The following ITGA4 variants were observed in gnomAD, a reference collection of about 807,000 sequenced individuals.
ITGA4 encodes the protein integrin subunit alpha 4.
Under a neutral mutation model 133.6 loss-of-function variants are expected in ITGA4, and 63 were observed. That is an observed-to-expected ratio of 0.47 (90% CI 0.38 to 0.58). The LOEUF (loss-of-function observed/expected upper bound fraction) is 0.58. Ranked by LOEUF, ITGA4 falls within the 20% of genes least tolerant of loss-of-function variation. The pLI, the probability that ITGA4 is intolerant of heterozygous loss-of-function variation, is 0.00. For synonymous variants in ITGA4, 483 were observed against 438.0 expected, an observed-to-expected ratio of 1.10 and a Z score of -1.28; for missense variants, 1,076 against 1,252.7, an observed-to-expected ratio of 0.86 and a Z score of 2.13.
rs199874319 is a variant in ITGA4, at chr2:181,524,290, C to T, written c.2249+40C>T. 27 of 1,154,174 alleles carry T rather than the reference C, an allele frequency of 2.3e-5. No individual in the cohort carries two copies. In the South Asian group the frequency reaches 2.3e-4, roughly 10 times the overall value. 71.5% of individuals were successfully genotyped at this position (1,154,174 alleles called of 1,614,324 possible). A position where few individuals can be genotyped will look rare whatever the true frequency, so the allele number is the denominator to read the frequency against. ...TAATAAAATGAACTAGAAATATACCCCCATATTCTGAGGGGGGGGAATTAG... is the reference window on the plus strand; with the variant it reads ...TAATAAAATGAACTAGAAATATACCTCCATATTCTGAGGGGGGGGAATTAG... On this transcript the variant is annotated intron_variant, in intron 20 of 27. Transcript: ENST00000397033.
At chr2:181,491,625 T>C (rs1394102716) in intron 10 of ITGA4, among the ~76,000 whole-genome samples, 2 of 152,154 alleles carry the variant, frequency 1.3e-5, no homozygotes, top group South Asian at 2.1e-4. Context: ...GAAGAATCAA[T>C]ATATAGGAAA....
intron 17 of ITGA4, among the ~76,000 whole-genome samples, chr2:181,515,303 C>T (rs1417127623): frequency 1.3e-5 from 2 of 151,942 alleles, no homozygotes; most frequent in Non-Finnish European, 2.9e-5. Context: ...AAAATAGTAC[C>T]GACTCATTAA....
At chr2:181,473,042 G>C (rs1685592692) in intron 2 of ITGA4, among the ~76,000 whole-genome samples, 1 of 152,178 alleles carries the variant, frequency 6.6e-6, no homozygotes, top group Admixed American at 6.5e-5. Context: ...CCAGTTAGTG[G>C]GGGTTGCCAT....
At chr2:181,532,180 G>A (rs1333267111) in intron 25 of ITGA4, among the ~76,000 whole-genome samples, 1 of 152,204 alleles carries the variant, frequency 6.6e-6, no homozygotes, top group African/African-American at 2.4e-5. Flanking sequence ...ACAGTTTGAA[G>A]TCGGGTAGCC....
intron 25 of ITGA4, among the ~76,000 whole-genome samples, chr2:181,533,433 G>C (rs79248375): frequency 2.0e-5 from 3 of 152,142 alleles, no homozygotes; most frequent in Non-Finnish European, 4.4e-5. Context: ...TCTAGGTCTA[G>C]GTTTTCCATC....
intron 25 of ITGA4, among the ~76,000 whole-genome samples, chr2:181,533,938 G>A (rs1320801317): frequency 6.6e-6 from 1 of 152,118 alleles, no homozygotes; most frequent in Non-Finnish European, 1.5e-5. Flanking sequence ...AATTTAGAAA[G>A]AAATAAAAAG....
At chr2:181,502,724 A>G (rs1686302146) in intron 15 of ITGA4, among the ~76,000 whole-genome samples, 1 of 152,064 alleles carries the variant, frequency 6.6e-6, no homozygotes, top group Admixed American at 6.6e-5. Context: ...GGAGAATGGG[A>G]GAGTAACAAA....
chr2:181,482,936 T>C (rs1451562862), intron 9 of ITGA4, among the ~76,000 whole-genome samples: 1 of 152,180 alleles, frequency 6.6e-6, no homozygotes, highest in Non-Finnish European at 1.5e-5. Context: ...TTCAGTTTTA[T>C]GTTGATACTA....
At position 181,498,613 on chromosome 2, in the gene ITGA4, A is replaced by AT; in HGVS notation, c.1541-5dup. On this transcript the variant is annotated splice_polypyrimidine_tract_variant and intron_variant, in intron 14 of 27. Transcript: ENST00000397033. ...AATTAGATTAATTGCAATTCTCTAT[A>AT]TTTTTGCAGTTTTGTTTTATAACAT... 1 of 1,569,628 alleles carries AT rather than the reference A, an allele frequency of 6.4e-7. No homozygotes were observed. Among genetic ancestry groups the AT allele is most frequent in the Non-Finnish European group, 8.7e-7 (1 of 1,146,038 alleles).
At position 181,485,332 on chromosome 2, in the gene ITGA4, A is replaced by G. The variant is rs1296991574; in HGVS notation, c.1042-549A>G. ...TGCTGCTAGTTTTCTCTGTATATCAAAATTATGCTTATCCTTCAATAGCCT... is the reference window on the plus strand; with the variant it reads ...TGCTGCTAGTTTTCTCTGTATATCAGAATTATGCTTATCCTTCAATAGCCT... On this transcript the variant is annotated intron_variant, in intron 9 of 27. Transcript: ENST00000397033. Among the ~76,000 whole-genome samples the G allele has an allele frequency of 2.3e-4, 35 of 152,146 alleles. 1 individual carries two copies. Among genetic ancestry groups the G allele is most frequent in the Admixed American group, 2.3e-3 (35 of 15,274 alleles).
intron 15 of ITGA4, 89 bp from the exon 16 acceptor site, chr2:181,509,569 G>C (rs1487526987): frequency 4.4e-6 from 4 of 916,686 alleles, no homozygotes; most frequent in Non-Finnish European, 6.4e-6. Flanking sequence ...TCCATGTATA[G>C]TGTTTGGCCC....
chr2:181,461,506 C>T (rs933805199), intron 2 of ITGA4, among the ~76,000 whole-genome samples: 1 of 151,918 alleles, frequency 6.6e-6, no homozygotes, highest in African/African-American at 2.4e-5. Context: ...CCCGGGCACT[C>T]TGCATCATCA....
chr2:181,462,879 C>A (rs1485555159), intron 2 of ITGA4, among the ~76,000 whole-genome samples: 1 of 152,162 alleles, frequency 6.6e-6, no homozygotes, highest in Non-Finnish European at 1.5e-5. Context: ...ATCCGTTGCA[C>A]ATGTGGGTAA....
At chr2:181,463,468 G>A (rs567022751) in intron 2 of ITGA4, among the ~76,000 whole-genome samples, 8 of 152,110 alleles carry the variant, frequency 5.3e-5, no homozygotes, top group African/African-American at 1.9e-4. Context: ...TCTGTACAAG[G>A]ACACTGGCAA....
rs1435833795 is a variant in ITGA4, at chr2:181,468,394, A to AT, written c.320-6559dup. Among the ~76,000 whole-genome samples, 12 of 152,244 alleles carry AT rather than the reference A, an allele frequency of 7.9e-5. 1 individual carries two copies. The South Asian group carries it at 2.5e-3, about 32-fold the overall frequency. On this transcript the variant is annotated intron_variant, in intron 2 of 27. Coordinates refer to ENST00000397033, the MANE Select transcript of ITGA4 (RefSeq NM_000885.6). ...ATGCAGTAGTACATTCTAGTAAAGGATTTTTTTGTGGTGATATAATGTATT... is the reference window on the plus strand; with the variant it reads ...ATGCAGTAGTACATTCTAGTAAAGGATTTTTTTTGTGGTGATATAATGTATT...
intron 15 of ITGA4, among the ~76,000 whole-genome samples, chr2:181,502,702 A>G (rs932450338): frequency 6.6e-6 from 1 of 152,046 alleles, no homozygotes; most frequent in Non-Finnish European, 1.5e-5. Flanking sequence ...GAAGATGTGA[A>G]ATAGTCTTCT....
intron 21 of ITGA4, among the ~76,000 whole-genome samples, chr2:181,526,319 T>C (rs1335023475): frequency 6.6e-6 from 1 of 152,230 alleles, no homozygotes; most frequent in Non-Finnish European, 1.5e-5. Flanking sequence ...TATGTTCACC[T>C]GTTAAACTGC....
chr2:181,535,332 A>T, intron 27 of ITGA4, 100 bp from the exon 28 acceptor site: 1 of 910,330 alleles, frequency 1.1e-6, no homozygotes, highest in Non-Finnish European at 1.6e-6. Context: ...GATGCAGTTT[A>T]AGAAATATTG....
chr2:181,511,682 T>C lies in ITGA4; in HGVS notation c.1846-17T>C, dbSNP rs200101098. The C allele has an allele frequency of 1.9e-5, 27 of 1,407,100 alleles. No homozygotes were observed. The highest frequency in any genetic ancestry group is 2.6e-5 in the Non-Finnish European group (26 of 997,354). 87.2% of individuals were successfully genotyped at this position (1,407,100 alleles called of 1,614,324 possible). The stretch of plus-strand genomic sequence containing the variant: ...CTGATTAAATCAAAATAAAAAACGT[T>C]GTCTTTTTATTTCCAGATAAACTTT... On this transcript the variant is annotated splice_polypyrimidine_tract_variant and intron_variant, in intron 16 of 27. Coordinates refer to ENST00000397033, the MANE Select transcript of ITGA4 (RefSeq NM_000885.6).
Sources: gnomAD v4.1 joint callset for allele counts (sites outside exome capture counted in the v4.1 genomes callset) on GRCh38, gnomAD v4.1.1 for gene constraint, MANE v1.5 for transcripts, NCBI Gene and HGNC (gene_info 2026-07-23, HGNC 2026-07-21) for gene names.